Variants in NAGPA observed in about 807,000 individuals in gnomAD.
NAGPA encodes N-acetylglucosamine-1-phosphodiester alpha-N-acetylglucosaminidase, also known as alpha-N-acetylglucosaminyl phosphodiesterase.
NAGPA carries 56 observed loss-of-function variants against 48.5 expected under a neutral mutation model. That is an observed-to-expected ratio of 1.15 (90% CI 0.93 to 1.44). The LOEUF (loss-of-function observed/expected upper bound fraction) is 1.44. Ranked by LOEUF, NAGPA falls within the 40% of genes most tolerant of loss-of-function variation. NAGPA has a pLI of 0.00. For missense variants in NAGPA, 888 were observed against 735.0 expected (o/e 1.21, Z -2.41); for synonymous variants, 399 against 315.5 (o/e 1.26, Z -2.81).
chr16:5,030,660 C>A (rs2142564364), intron 3 of NAGPA, 167 bp from the exon 4 acceptor site: 1 of 688,066 alleles, frequency 1.5e-6, no homozygotes, highest in East Asian at 2.7e-5. Context: ...CTCCCCAGGG[C>A]AGCCGGGGGG....
rs1308942670 is a variant in NAGPA, at chr16:5,033,253, G to C, written c.542+20C>G. 6.3e-7 allele frequency: 1 copy of C among 1,577,574 alleles called. No homozygotes were observed. Among genetic ancestry groups the C allele is most frequent in the Non-Finnish European group, 8.5e-7 (1 of 1,170,880 alleles). ...TCAGGCCCTCTGCCCTCGACAGCAC[G>C]GGGCTCCCTGCCTCCTCACCCGGTG... On this transcript the variant is annotated intron_variant, in intron 2 of 9. Transcript: ENST00000312251. The surrounding 1 kb of genome is among the most constrained non-coding windows in gnomAD (Gnocchi z 4.2).
chr16:5,031,652 C>G (rs1200361642), intron 3 of NAGPA, 93 bp downstream of exon 3: 1 of 1,548,116 alleles, frequency 6.5e-7, no homozygotes, highest in Non-Finnish European at 8.9e-7. Context: ...AAAGTAGCTG[C>G]TCAATACTTG....
intron 4 of NAGPA, chr16:5,029,906 G>A (rs1325614649): frequency 3.3e-5 from 7 of 215,096 alleles, no homozygotes; most frequent in South Asian, 7.3e-5. Flanking sequence ...CCTGGGCGAC[G>A]GAGTAAGACC....
At position 5,031,893 on chromosome 16, in the gene NAGPA, G is replaced by A. The variant is rs765295358; in HGVS notation, c.543-9C>T. On this transcript the variant is annotated splice_polypyrimidine_tract_variant and intron_variant, in intron 2 of 9. Coordinates refer to ENST00000312251, the MANE Select transcript of NAGPA (RefSeq NM_016256.4). Reference sequence around the variant, plus strand: ...CCTCCTCAGACAGGTACCTGGATCCGGGGAAGGTGGGAAGCTCACTCACCA... The same window carrying A: ...CCTCCTCAGACAGGTACCTGGATCCAGGGAAGGTGGGAAGCTCACTCACCA... 4.8e-5 allele frequency: 77 copies of A among 1,613,948 alleles called. No individual in the cohort carries two copies. The highest frequency in any genetic ancestry group is 4.9e-5 in the Non-Finnish European group (58 of 1,179,984).
chr16:5,030,532 G>C, intron 3 of NAGPA, 39 bp from the exon 4 acceptor site: 13 of 1,496,588 alleles, frequency 8.7e-6, no homozygotes, highest in Non-Finnish European at 1.2e-5. Flanking sequence ...CGCCCCTTGG[G>C]AGGCCTCCTG....
intron 2 of NAGPA, chr16:5,032,862 A>G (rs1177220104): frequency 1.6e-4 from 39 of 242,196 alleles, no homozygotes. Context: ...TCAAGTTCCC[A>G]CTCAAAGGTC....
Position 5,031,822 on chromosome 16 carries a change from A to C in NAGPA, c.605T>G (p.Val202Gly), listed in dbSNP as rs1395832775. 1.9e-6 allele frequency: 3 copies of C among 1,613,796 alleles called. No individual in the cohort carries two copies. The Admixed American group carries it at 5.0e-5, about 27-fold the overall frequency. The change falls in exon 3 of 10, where the codon GTC becomes GGC. Residue 202 changes from valine (V) to glycine (G), a missense_variant. Coordinates refer to ENST00000312251, the MANE Select transcript of NAGPA (RefSeq NM_016256.4). The part of the protein sequence containing the change: ...ENPFVQLLSG[V>G]VWLIRNGSIY... The stretch of plus-strand genomic sequence containing the variant: ...GCTTCCATTACGAATCAGCCACACG[A>C]CCCCACTCAGCAGCTGCACAAATGG...
In NAGPA at chr16:5,025,152, T is replaced by C. The variant is rs917897; in HGVS notation, c.*326A>G. 8.2e-3 allele frequency: 3,379 copies of C among 410,808 alleles called. 108 individuals carry two copies. Among genetic ancestry groups the C allele is most frequent in the African/African-American group, 0.062 (3,057 of 49,682 alleles). The allele number at this position is 410,808 out of a possible 1,614,324, so 25.4% of individuals were successfully genotyped here. A position where few individuals can be genotyped will look rare whatever the true frequency, so the allele number is the denominator to read the frequency against. On this transcript the variant is annotated 3_prime_UTR_variant, in exon 10 of 10. Coordinates refer to ENST00000312251, the MANE Select transcript of NAGPA (RefSeq NM_016256.4). ...TGACGTGGTCACTGAGTCTGGTTCG[T>C]TGGCAGCCCCTTCCCCAGGAGGAGG...
chr16:5,030,561 T>A, intron 3 of NAGPA, 68 bp from the exon 4 acceptor site: 1 of 1,276,096 alleles, frequency 7.8e-7, no homozygotes, highest in Non-Finnish European at 1.1e-6. Flanking sequence ...CTAACTCCAC[T>A]TCCCACTGGT....
chr16:5,030,308 G>A (rs1956076371), intron 4 of NAGPA, 77 bp downstream of exon 4: 8 of 1,325,518 alleles, frequency 6.0e-6, no homozygotes, highest in Non-Finnish European at 7.4e-6. Flanking sequence ...TAGAGTCAGA[G>A]GGTGGCTGTC....
chr16:5,025,468 G>C lies in NAGPA; in HGVS notation c.*10C>G. The C allele has an allele frequency of 1.2e-6, 2 of 1,611,618 alleles. No homozygotes were observed. The highest frequency in any genetic ancestry group is 1.1e-5 in the South Asian group (1 of 90,998). On this transcript the variant is annotated 3_prime_UTR_variant, in exon 10 of 10. Coordinates refer to ENST00000312251, the MANE Select transcript of NAGPA (RefSeq NM_016256.4). Reference sequence around the variant, plus strand: ...CTTTCGCGACGTGCCACCCCGGGCAGCTTGAGGCTTCAGTCCTTGAAGGGG... The same window carrying C: ...CTTTCGCGACGTGCCACCCCGGGCACCTTGAGGCTTCAGTCCTTGAAGGGG...
At chr16:5,032,460 G>C (rs1956117471) in intron 2 of NAGPA, among the ~76,000 whole-genome samples, 1 of 151,476 alleles carries the variant, frequency 6.6e-6, no homozygotes, top group Non-Finnish European at 1.5e-5. Flanking sequence ...GTTCGAGACC[G>C]GCCAGGCCAA....
rs1220460159 is a variant in NAGPA at position 5,027,258 on chromosome 16, C to T, written c.1276+20G>A. The T allele has an allele frequency of 1.9e-6, 3 of 1,614,182 alleles. No homozygotes were observed. Among genetic ancestry groups the T allele is most frequent in the East Asian group, 4.5e-5 (2 of 44,878 alleles). On this transcript the variant is annotated intron_variant, in intron 8 of 9. Transcript: ENST00000312251. ...AGCAGGAGCGTCTGCCCATACCCCT[C>T]CCCTTGGAGGGATAGGTACCTCTGG...
chr16:5,029,749 C>G (rs1956067619), intron 4 of NAGPA: 1 of 159,284 alleles, frequency 6.3e-6, no homozygotes, highest in Non-Finnish European at 1.4e-5. Flanking sequence ...CATGATGAAA[C>G]CCCATCTCTA....
Position 5,033,790 on chromosome 16 carries a change from G to A in NAGPA, c.86+39C>T, listed in dbSNP as rs764054220. 6 of 1,570,236 alleles carry A rather than the reference G, an allele frequency of 3.8e-6. No homozygotes were observed. The highest frequency in any genetic ancestry group is 2.3e-5 in the South Asian group (2 of 86,288). ...CCTCGTGAGCTCGGAGGACAGGGGGGACCCCCCGAACCAGGCTGGCCCAGG... is the reference window on the plus strand; with the variant it reads ...CCTCGTGAGCTCGGAGGACAGGGGGAACCCCCCGAACCAGGCTGGCCCAGG... On this transcript the variant is annotated intron_variant, in intron 1 of 9. Coordinates refer to ENST00000312251, the MANE Select transcript of NAGPA (RefSeq NM_016256.4). The surrounding 1 kb of genome is among the most constrained non-coding windows in gnomAD (Gnocchi z 4.2).
At position 5,033,668 on chromosome 16, in the gene NAGPA, C is replaced by T. The variant is rs746921537; in HGVS notation, c.147G>A (p.Arg49=). 3 of 1,593,122 alleles carry T rather than the reference C, an allele frequency of 1.9e-6. No individual in the cohort carries two copies. The highest frequency in any genetic ancestry group is 1.3e-5 in the African/African-American group (1 of 74,598). Residue 49 remains arginine (R), a synonymous_variant, in exon 2 of 10, where the codon CGG becomes CGA. Coordinates refer to ENST00000312251, the MANE Select transcript of NAGPA (RefSeq NM_016256.4). The surrounding 1 kb of genome is among the most constrained non-coding windows in gnomAD (Gnocchi z 4.2). ...TGCCGGCGCGCACCCGTGTGCAGTC[C>T]CGGGGGAGGCGCGCGCGCGCGCGTG... ...PYPRARARLP[R]DCTRVRAGNR... is the part of the protein sequence containing the mutation.
At chr16:5,026,727 C>A (rs1184643678) in intron 9 of NAGPA, among the ~76,000 whole-genome samples, 1 of 152,072 alleles carries the variant, frequency 6.6e-6, no homozygotes, top group African/African-American at 2.4e-5. Context: ...GAGATCCTAT[C>A]TCTAAAAAAC....
In NAGPA at chr16:5,033,646, C is replaced by A. The variant is rs760186473; in HGVS notation, c.169G>T (p.Gly57Cys). The change falls in exon 2 of 10, where the codon GGC becomes TGC. Residue 57 changes from glycine to cysteine, a missense_variant. By Grantham distance (159) the Gly-to-Cys change is radical (BLOSUM62 -3). Coordinates refer to ENST00000312251, the MANE Select transcript of NAGPA (RefSeq NM_016256.4). This position sits in a 1 kb window ranked among gnomAD's most constrained non-coding sequence, Gnocchi z 4.2. ...LPRDCTRVRA[G>C]NREHESWPPP... ...GGCCAACTCTCGTGCTCGCGGTTGCCGGCGCGCACCCGTGTGCAGTCCCGG... is the reference window on the plus strand; with the variant it reads ...GGCCAACTCTCGTGCTCGCGGTTGCAGGCGCGCACCCGTGTGCAGTCCCGG... 3 of 1,539,944 alleles carry A rather than the reference C, an allele frequency of 1.9e-6. No individual in the cohort carries two copies. In the South Asian group the frequency reaches 3.6e-5, roughly 19 times the overall value.
In NAGPA at chr16:5,031,818, C is replaced by T. The variant is rs138461608; in HGVS notation, c.609G>A (p.Val203=). ...NPFVQLLSGV[V]WLIRNGSIYI... is the part of the protein sequence containing the mutation. ...AGATGCTTCCATTACGAATCAGCCA[C>T]ACGACCCCACTCAGCAGCTGCACAA... The change falls in exon 3 of 10, where the codon GTG becomes GTA. Residue 203 remains valine (V), a synonymous_variant. Coordinates refer to ENST00000312251, the MANE Select transcript of NAGPA (RefSeq NM_016256.4). The T allele has an allele frequency of 5.0e-6, 8 of 1,614,196 alleles. No individual in the cohort carries two copies. Among genetic ancestry groups the T allele is most frequent in the South Asian group, 1.1e-5 (1 of 91,076 alleles).
Sources: allele counts gnomAD v4.1 joint callset (sites outside exome capture counted in the v4.1 genomes callset), GRCh38; gene constraint gnomAD v4.1.1; non-coding constraint Gnocchi (gnomAD v3.1); transcripts MANE v1.5; gene names NCBI Gene and HGNC (gene_info 2026-07-23, HGNC 2026-07-21).